The following FRMD4A variants were observed in gnomAD, a reference collection of about 807,000 sequenced individuals.
The protein encoded by FRMD4A is FERM domain containing 4A.
In FRMD4A, 29 loss-of-function variants were observed where a neutral mutation model predicts 129.1. That is an observed-to-expected ratio of 0.22 (90% CI 0.17 to 0.31). The LOEUF is 0.31. Ranked by LOEUF, FRMD4A falls within the 10% of genes least tolerant of loss-of-function variation. The pLI is 1.00. For synonymous variants in FRMD4A, 634 were observed against 571.6 expected, an observed-to-expected ratio of 1.11 and a Z score of -1.56; for missense variants, 1,272 against 1,375.8, an observed-to-expected ratio of 0.92 and a Z score of 1.19.
chr10:13,744,013 G>A (rs1718789229), intron 9 of FRMD4A, among the ~76,000 whole-genome samples: 1 of 152,154 alleles, frequency 6.6e-6, no homozygotes, highest in South Asian at 2.1e-4. Flanking sequence ...GATCAAAGCT[G>A]CCTGTGCCCA....
At chr10:14,122,830 C>A (rs1203710063) in intron 2 of FRMD4A, among the ~76,000 whole-genome samples, 2 of 152,084 alleles carry the variant, frequency 1.3e-5, no homozygotes, top group African/African-American at 4.8e-5. Context: ...AGCGATGTTT[C>A]AATACATATA....
chr10:13,732,498 C>T (rs1231940345), intron 12 of FRMD4A, among the ~76,000 whole-genome samples: 3 of 152,218 alleles, frequency 2.0e-5, no homozygotes, highest in African/African-American at 7.2e-5. Flanking sequence ...CTGCCACTGC[C>T]TCTACTTAAA....
At chr10:13,969,666 C>T (rs556966999) in intron 2 of FRMD4A, among the ~76,000 whole-genome samples, 29 of 152,254 alleles carry the variant, frequency 1.9e-4, no homozygotes, top group East Asian at 3.9e-4. Context: ...GCCTGGCCAA[C>T]GTAGTGAGAC....
At chr10:14,020,303 T>C (rs1461501967) in intron 2 of FRMD4A, among the ~76,000 whole-genome samples, 1 of 152,178 alleles carries the variant, frequency 6.6e-6, no homozygotes, top group Non-Finnish European at 1.5e-5. Context: ...GTCCCTTTTA[T>C]CTCATCTTGC....
chr10:14,091,491 T>A (rs2131752803), intron 2 of FRMD4A, among the ~76,000 whole-genome samples: 1 of 152,292 alleles, frequency 6.6e-6, no homozygotes, highest in South Asian at 2.1e-4. Flanking sequence ...TGGACTGCAG[T>A]GGTGTGATCT....
chr10:13,861,351 A>G (rs1388453164), intron 2 of FRMD4A, among the ~76,000 whole-genome samples: 2 of 152,246 alleles, frequency 1.3e-5, no homozygotes, highest in Non-Finnish European at 2.9e-5. Flanking sequence ...ATGAAATCCT[A>G]TGAGAAAATT....
At chr10:13,760,267 C>T (rs963717894) in intron 8 of FRMD4A, among the ~76,000 whole-genome samples, 1 of 152,046 alleles carries the variant, frequency 6.6e-6, no homozygotes, top group African/African-American at 2.4e-5. Context: ...CTCGCCGATC[C>T]TTGTTTTAGA....
intron 8 of FRMD4A, among the ~76,000 whole-genome samples, chr10:13,759,859 A>C: frequency 6.6e-6 from 1 of 152,054 alleles, no homozygotes; most frequent in Non-Finnish European, 1.5e-5. Flanking sequence ...AAACTTGGAG[A>C]ACTTAAATAA....
At chr10:14,001,924 T>G (rs148256007) in intron 2 of FRMD4A, among the ~76,000 whole-genome samples, 1 of 152,220 alleles carries the variant, frequency 6.6e-6, no homozygotes, top group Non-Finnish European at 1.5e-5. Context: ...CACACTTCCC[T>G]GCATGAATAC....
chr10:13,971,844 C>T, intron 2 of FRMD4A: 2 of 1,302,898 alleles, frequency 1.5e-6, no homozygotes, highest in Non-Finnish European at 2.0e-6. Flanking sequence ...CCTGGCCCCA[C>T]ATCCAGGGCT....
chr10:13,654,450 T>C lies in FRMD4A; in HGVS notation c.3016A>G (p.Ser1006Gly), dbSNP rs535596804. The change falls in exon 23 of 25, where the codon AGC (serine) becomes GGC (glycine). Residue 1006 changes from serine (S) to glycine (G), a missense_variant. Coordinates refer to ENST00000357447, the MANE Select transcript of FRMD4A (RefSeq NM_018027.5). ...CAGGTTAGGATGTGGTGGGGGCTGC[T>C]TGGGGGGGTGGCTCCAATTTCACTT... ...PSSEIGATPP[S>G]SPHHILTWQT... 12 of 1,613,280 alleles carry C rather than the reference T, an allele frequency of 7.4e-6. No homozygotes were observed. The African/African-American group carries it at 1.3e-4, about 18-fold the overall frequency.
Position 14,279,827 on chromosome 10 carries a change from T to A in FRMD4A, c.45+50231A>T, listed in dbSNP as rs73603251. 6.7e-3 allele frequency among the ~76,000 whole-genome samples: 1,025 copies of A among 152,292 alleles called. 13 individuals are homozygous for A. The highest frequency in any genetic ancestry group is 0.023 in the African/African-American group (937 of 41,556). ...AAAGAGACGGAAGTCCAAAGCAAGTTACTTATTCAAAATGACAAGTCTTCT... is the reference window on the plus strand; with the variant it reads ...AAAGAGACGGAAGTCCAAAGCAAGTAACTTATTCAAAATGACAAGTCTTCT... On this transcript the variant is annotated intron_variant, in intron 2 of 24. Coordinates refer to ENST00000357447, the MANE Select transcript of FRMD4A (RefSeq NM_018027.5).
At chr10:13,687,274 C>T (rs1050380790) in intron 15 of FRMD4A, among the ~76,000 whole-genome samples, 1 of 152,148 alleles carries the variant, frequency 6.6e-6, no homozygotes, top group South Asian at 2.1e-4. Context: ...CCAGCCTGGG[C>T]GACAGAGCAA....
At chr10:14,292,662 T>C (rs1043782215) in intron 2 of FRMD4A, among the ~76,000 whole-genome samples, 4 of 152,068 alleles carry the variant, frequency 2.6e-5, no homozygotes, top group African/African-American at 7.2e-5. Context: ...TAGCTGGGCG[T>C]GGTGGTGGGC....
chr10:14,014,200 T>C (rs1202550413), intron 2 of FRMD4A, among the ~76,000 whole-genome samples: 3 of 152,100 alleles, frequency 2.0e-5, no homozygotes, highest in Non-Finnish European at 4.4e-5. Context: ...GAAGTTGGTG[T>C]TGTAATTATT....
At chr10:13,649,439 TCTGGATGATGGGGTGGGAGATG>T (rs1219516900) in intron 24 of FRMD4A, 1 of 127,270 alleles carries the variant, frequency 7.9e-6, no homozygotes, top group African/African-American at 2.7e-5. Context: ...ATCGGGAGGA[TCTGGATGATGGGGTGGGAGATG>T]CTGGATTGGT....
rs139011850 is a variant in FRMD4A at position 14,033,757 on chromosome 10, C to A, written c.46-174845G>T. ...CCGAGATCGTGTCATTGCCCTCCAG[C>A]CTGAGCAACATAGCAAAACTCAGAA... is the stretch of plus-strand genomic sequence containing the variant. On this transcript the variant is annotated intron_variant, in intron 2 of 24. Transcript: ENST00000357447. Among the ~76,000 whole-genome samples, 40 of 143,740 alleles carry A rather than the reference C, an allele frequency of 2.8e-4. No homozygotes were observed. In the East Asian group the frequency reaches 8.1e-3, roughly 29 times the overall value. The allele number at this position is 143,740 out of a possible 152,430, so 94.3% of individuals were successfully genotyped here.
chr10:13,764,506 T>C lies in FRMD4A; in HGVS notation c.385-1826A>G, dbSNP rs1001501147. 1.9e-4 allele frequency among the ~76,000 whole-genome samples: 29 copies of C among 149,786 alleles called. 1 individual carries two copies. Among genetic ancestry groups the C allele is most frequent in the South Asian group, 8.6e-4 (4 of 4,668 alleles). ...GGTGACAGAGAGACCCTGCCTCAAA[T>C]AAACAAACAAACAAACAAACAAACA... is the stretch of plus-strand genomic sequence containing the variant. On this transcript the variant is annotated intron_variant, in intron 6 of 24. Coordinates refer to ENST00000357447, the MANE Select transcript of FRMD4A (RefSeq NM_018027.5).
At chr10:14,067,395 A>G (rs1835113823) in intron 2 of FRMD4A, among the ~76,000 whole-genome samples, 1 of 152,178 alleles carries the variant, frequency 6.6e-6, no homozygotes, top group Non-Finnish European at 1.5e-5. Context: ...GGGAACAGGA[A>G]AGATTTATTA....
Sources: gnomAD v4.1 joint callset for allele counts (sites outside exome capture counted in the v4.1 genomes callset) on GRCh38, gnomAD v4.1.1 for gene constraint, MANE v1.5 for transcripts, NCBI Gene and HGNC (gene_info 2026-07-23, HGNC 2026-07-21) for gene names.